TRIM37: variants seen among roughly 807,000 people sequenced by gnomAD.
TRIM37 encodes the protein tripartite motif containing 37.
In TRIM37, 80 loss-of-function variants were observed where a neutral mutation model predicts 129.8. That is an observed-to-expected ratio of 0.62 (90% CI 0.51 to 0.74). The LOEUF (loss-of-function observed/expected upper bound fraction) is 0.74, where lower values mean the gene tolerates loss of function less well. Ranked by LOEUF, TRIM37 falls within the 30% of genes least tolerant of loss-of-function variation. TRIM37 has a pLI of 0.00. For missense variants in TRIM37, 1,054 were observed against 1,176.5 expected, an observed-to-expected ratio of 0.90 and a Z score of 1.52; for synonymous variants, 389 against 387.1, an observed-to-expected ratio of 1.00 and a Z score of -0.06.
At chr17:59,029,864 C>T (rs1158186109) in intron 18 of TRIM37, among the ~76,000 whole-genome samples, 1 of 152,184 alleles carries the variant, frequency 6.6e-6, no homozygotes, top group African/African-American at 2.4e-5. Context: ...TATATTTCTG[C>T]ACACTAGCTT....
intron 16 of TRIM37, among the ~76,000 whole-genome samples, chr17:59,042,782 A>C (rs2039396903): frequency 6.6e-6 from 1 of 151,928 alleles, no homozygotes; most frequent in African/African-American, 2.4e-5. Flanking sequence ...AGGACAGGAC[A>C]GGAAAGGAAA....
downstream of TRIM37, chr17:58,980,334 A>C (rs770059329): frequency 6.2e-7 from 1 of 1,613,988 alleles, no homozygotes; most frequent in African/African-American, 1.3e-5. This position sits in a 1 kb window ranked among gnomAD's most constrained non-coding sequence, Gnocchi z 4.7. Context: ...AATCATGGAG[A>C]GTGCAAACGC....
chr17:59,085,818 A>C (rs969824059), intron 4 of TRIM37, among the ~76,000 whole-genome samples: 10 of 152,028 alleles, frequency 6.6e-5, no homozygotes, highest in African/African-American at 2.2e-4. Context: ...ATGAATGGAC[A>C]AAAAAAATGT....
At chr17:59,046,538 C>T (rs1040678196) in intron 16 of TRIM37, among the ~76,000 whole-genome samples, 1 of 143,534 alleles carries the variant, frequency 7.0e-6, no homozygotes, top group Admixed American at 7.4e-5. Context: ...TCATGAAAAA[C>T]AGTTTTTTTT....
At chr17:59,099,009 C>T (rs2045194552) in intron 2 of TRIM37, among the ~76,000 whole-genome samples, 2 of 152,000 alleles carry the variant, frequency 1.3e-5, no homozygotes, top group Non-Finnish European at 2.9e-5. Flanking sequence ...ATGGTGAAAC[C>T]CCATCTCTAC....
At chr17:58,984,790 CTATT>C (rs2031644594) in intron 24 of TRIM37, 1 of 152,384 alleles carries the variant, frequency 6.6e-6, no homozygotes, top group Non-Finnish European at 1.5e-5. Context: ...ATTTTGAAGA[CTATT>C]TATTGTAATA....
chr17:58,980,131 GAAT>G, downstream of TRIM37: 1 of 1,614,148 alleles, frequency 6.2e-7, no homozygotes, highest in Non-Finnish European at 8.5e-7. This position sits in a 1 kb window ranked among gnomAD's most constrained non-coding sequence, Gnocchi z 4.7. Flanking sequence ...ACCTGAAAGA[GAAT>G]AATGGAGACA....
At chr17:58,991,489 T>TA (rs756860952) in intron 24 of TRIM37, among the ~76,000 whole-genome samples, 89 of 151,120 alleles carry the variant, frequency 5.9e-4, no homozygotes, top group South Asian at 4.8e-3. Flanking sequence ...TGAGCCGAGA[T>TA]AAAAAAAAAG....
intron 12 of TRIM37, 66 bp from the exon 13 acceptor site, chr17:59,057,120 A>G (rs2041015542): frequency 2.1e-6 from 3 of 1,405,914 alleles, no homozygotes; most frequent in Non-Finnish European, 3.0e-6. Flanking sequence ...AAACTCATCT[A>G]AACATTAAGG....
chr17:58,967,759 G>A, the TRIM37 span, among the ~76,000 whole-genome samples: 2 of 149,860 alleles, frequency 1.3e-5, no homozygotes, highest in African/African-American at 4.9e-5. Flanking sequence ...AATGAGTACT[G>A]CTTTAGTAGG....
chr17:59,040,862 A>C (rs1406693319), intron 17 of TRIM37, among the ~76,000 whole-genome samples: 3 of 151,770 alleles, frequency 2.0e-5, no homozygotes, highest in Non-Finnish European at 2.9e-5. Context: ...CTGGCTAACA[A>C]GGTGAAACCC....
chr17:59,008,354 A>G lies in TRIM37; in HGVS notation c.2695+3974T>C, dbSNP rs368237433. 1.1e-4 allele frequency among the ~76,000 whole-genome samples: 16 copies of G among 152,352 alleles called. No individual in the cohort carries two copies. In the East Asian group the frequency reaches 2.7e-3, roughly 26 times the overall value. On this transcript the variant is annotated intron_variant, in intron 22 of 23. Transcript: ENST00000262294. ...ATATAAAGATAAAATGTGTTACTGA[A>G]TAACACTGACCATTTAACTCTAAAT...
At chr17:58,981,887 ATACAC>A (rs1462818063), downstream of TRIM37, 1 of 152,666 alleles carries the variant, frequency 6.6e-6, no homozygotes, top group African/African-American at 2.4e-5. Context: ...TCAGGTACAA[ATACAC>A]TATAGAGTCA....
At chr17:59,028,189 T>C (rs2037440950) in intron 19 of TRIM37, among the ~76,000 whole-genome samples, 1 of 152,236 alleles carries the variant, frequency 6.6e-6, no homozygotes, top group Non-Finnish European at 1.5e-5. Context: ...TGTTAAGAAT[T>C]TTGTCTTGTT....
chr17:59,045,300 G>C (rs1304572543), intron 16 of TRIM37, among the ~76,000 whole-genome samples: 1 of 151,768 alleles, frequency 6.6e-6, no homozygotes, highest in African/African-American at 2.4e-5. Flanking sequence ...CTGCACTCCA[G>C]CCTGGGGGAC....
chr17:59,026,610 T>A (rs1010081072), intron 19 of TRIM37, among the ~76,000 whole-genome samples: 4 of 152,152 alleles, frequency 2.6e-5, no homozygotes, highest in African/African-American at 9.7e-5. Context: ...AATTCACAGA[T>A]GAAAGACATT....
chr17:59,007,986 C>A (rs1174811356), intron 22 of TRIM37, among the ~76,000 whole-genome samples: 1 of 152,126 alleles, frequency 6.6e-6, no homozygotes, highest in Non-Finnish European at 1.5e-5. Context: ...CAAGACAAAT[C>A]CATTCAACTG....
the TRIM37 span, among the ~76,000 whole-genome samples, chr17:58,975,122 G>A: frequency 6.6e-6 from 1 of 152,114 alleles, no homozygotes; most frequent in Non-Finnish European, 1.5e-5. Flanking sequence ...CGAACCAGAG[G>A]ACTATACTAT....
chr17:58,998,366 T>C lies in TRIM37; in HGVS notation c.*1011A>G. The C allele has an allele frequency of 1.0e-6, 1 of 985,424 alleles. No individual in the cohort carries two copies. The highest frequency in any genetic ancestry group is 1.2e-6 in the Non-Finnish European group (1 of 829,914). 61.0% of individuals were successfully genotyped at this position (985,424 alleles called of 1,614,324 possible). On this transcript the variant is annotated 3_prime_UTR_variant, in exon 24 of 24. Coordinates refer to ENST00000262294, the MANE Select transcript of TRIM37 (RefSeq NM_015294.6). ...TCTCACATGTATATTTAATTATTCA[T>C]GCTTTTTCAATAGTCTCTTAGTCAA...
Sources: gnomAD v4.1 joint callset for allele counts (sites outside exome capture counted in the v4.1 genomes callset) on GRCh38, gnomAD v4.1.1 for gene constraint, Gnocchi (gnomAD v3.1) non-coding constraint, MANE v1.5 for transcripts, NCBI Gene and HGNC (gene_info 2026-07-23, HGNC 2026-07-21) for gene names.